Variants in CNTNAP2 observed in about 807,000 individuals in gnomAD.
CNTNAP2 encodes contactin-associated protein-like 2.
Under a neutral mutation model 155.2 loss-of-function variants are expected in CNTNAP2, and 98 were observed. That is an observed-to-expected ratio of 0.63 (90% CI 0.54 to 0.75). The LOEUF (loss-of-function observed/expected upper bound fraction) is 0.75, where lower values mean the gene tolerates loss of function less well. Ranked by LOEUF, CNTNAP2 falls within the 30% of genes least tolerant of loss-of-function variation. The pLI is 0.00. For synonymous variants in CNTNAP2, 651 were observed against 631.2 expected (o/e 1.03, Z -0.47); for missense variants, 1,727 against 1,688.1 (o/e 1.02, Z -0.40).
At chr7:148,129,048 C>G (rs575934205) in intron 16 of CNTNAP2, among the ~76,000 whole-genome samples, 93 of 152,250 alleles carry the variant, frequency 6.1e-4, no homozygotes, top group African/African-American at 2.2e-3. Flanking sequence ...GGCCCACATC[C>G]TGGATTCCAA....
chr7:147,718,369 C>T (rs1306930949), intron 13 of CNTNAP2, among the ~76,000 whole-genome samples: 2 of 152,078 alleles, frequency 1.3e-5, no homozygotes, highest in African/African-American at 4.8e-5. Context: ...GGGAAATGAT[C>T]AGTTTCTTAA....
chr7:147,172,385 G>A (rs933923634), intron 8 of CNTNAP2, among the ~76,000 whole-genome samples: 18 of 151,926 alleles, frequency 1.2e-4, no homozygotes, highest in Admixed American at 2.0e-4. Flanking sequence ...GATAATTATG[G>A]AATAATGCAT....
chr7:148,236,220 G>A (rs982856186), intron 20 of CNTNAP2, among the ~76,000 whole-genome samples: 10 of 152,120 alleles, frequency 6.6e-5, no homozygotes, highest in African/African-American at 1.2e-4. Context: ...GCCTCCAGGC[G>A]CCCATGCCTC....
chr7:147,196,998 A>C (rs1802815412), intron 8 of CNTNAP2, among the ~76,000 whole-genome samples: 1 of 152,168 alleles, frequency 6.6e-6, no homozygotes, highest in African/African-American at 2.4e-5. Context: ...CTAAATCAAA[A>C]GGAAAACCCC....
chr7:147,296,226 T>A (rs927918009), intron 8 of CNTNAP2, among the ~76,000 whole-genome samples: 1 of 152,198 alleles, frequency 6.6e-6, no homozygotes, highest in African/African-American at 2.4e-5. Flanking sequence ...ATAGCAGGGT[T>A]TGTCAAATTA....
intron 15 of CNTNAP2, among the ~76,000 whole-genome samples, chr7:147,997,426 A>G (rs776417560): frequency 6.6e-6 from 1 of 151,924 alleles, no homozygotes; most frequent in Admixed American, 6.6e-5. Flanking sequence ...GCGTGGTGGC[A>G]CATGCCTGTA....
chr7:146,289,214 C>G (rs944004697), intron 1 of CNTNAP2, among the ~76,000 whole-genome samples: 3 of 152,098 alleles, frequency 2.0e-5, no homozygotes, highest in Admixed American at 2.0e-4. Flanking sequence ...TGCATAGTTT[C>G]TCTCCTCTCC....
Position 147,936,572 on chromosome 7 carries a change from T to A in CNTNAP2, c.2255+32851T>A, listed in dbSNP as rs117395045. On this transcript the variant is annotated intron_variant, in intron 14 of 23. Transcript: ENST00000361727. ...TGGAGTTGGTTTTGCTTCATTCAACTATGAAATGACTACATGTATTCATTT... is the reference window on the plus strand; with the variant it reads ...TGGAGTTGGTTTTGCTTCATTCAACAATGAAATGACTACATGTATTCATTT... Among the ~76,000 whole-genome samples, 243 of 152,344 alleles carry A rather than the reference T, an allele frequency of 1.6e-3. 7 individuals are homozygous for A. The East Asian group carries it at 0.028, about 18-fold the overall frequency.
At chr7:146,830,038 T>C (rs1271131889) in intron 2 of CNTNAP2, among the ~76,000 whole-genome samples, 1 of 152,218 alleles carries the variant, frequency 6.6e-6, no homozygotes, top group East Asian at 1.9e-4. Context: ...ATTTTTGTTA[T>C]AGGTTTAGAA....
chr7:147,185,722 G>C (rs78639999), intron 8 of CNTNAP2, among the ~76,000 whole-genome samples: 2,654 of 152,262 alleles, frequency 0.017, 63 homozygotes, highest in African/African-American at 0.06. Context: ...CAATGATGTG[G>C]TTTAGGTGTG....
intron 15 of CNTNAP2, among the ~76,000 whole-genome samples, chr7:148,044,898 G>GC (rs1305453427): frequency 9.2e-5 from 14 of 151,866 alleles, no homozygotes; most frequent in Admixed American, 8.5e-4. Flanking sequence ...TTACTATGTT[G>GC]CCCAGACTGG....
chr7:147,018,311 G>A (rs1798760972), intron 3 of CNTNAP2, among the ~76,000 whole-genome samples: 1 of 152,054 alleles, frequency 6.6e-6, no homozygotes. Context: ...GAAACATAGT[G>A]AAGAAGAATA....
Position 147,108,209 on chromosome 7 carries a change from A to T in CNTNAP2, c.613A>T (p.Met205Leu). ...VLPYRFRNKK[M>L]KTLKDVIALN... ...ACCATATAGATTCAGAAACAAGAAG[A>T]TGAAAACACTGAAAGATGTCATTGC... The change falls in exon 5 of 24, where the codon ATG becomes TTG. Residue 205 changes from methionine (M) to leucine (L), a missense_variant. Met to Leu is a conservative substitution (Grantham distance 15, BLOSUM62 2). Coordinates refer to ENST00000361727, the MANE Select transcript of CNTNAP2 (RefSeq NM_014141.6). 2 of 1,613,766 alleles carry T rather than the reference A, an allele frequency of 1.2e-6. No homozygotes were observed. The highest frequency in any genetic ancestry group is 2.2e-5 in the South Asian group (2 of 91,078).
At chr7:148,118,499 T>C (rs577526490) in intron 16 of CNTNAP2, among the ~76,000 whole-genome samples, 1 of 152,270 alleles carries the variant, frequency 6.6e-6, no homozygotes, top group East Asian at 1.9e-4. Flanking sequence ...CACATCCAGA[T>C]TCTCAAGCAA....
rs192805435 is a variant in CNTNAP2 at position 146,823,914 on chromosome 7, A to G, written c.209-15797A>G. Among the ~76,000 whole-genome samples the G allele has an allele frequency of 1.9e-3, 284 of 152,212 alleles. 1 individual carries two copies. The highest frequency in any genetic ancestry group is 6.3e-3 in the African/African-American group (262 of 41,554). ...ACCTTAAGTTCTGGGATACATGTGC[A>G]GAACATGCAGGTTTATTACATAGGT... On this transcript the variant is annotated intron_variant, in intron 2 of 23. Coordinates refer to ENST00000361727, the MANE Select transcript of CNTNAP2 (RefSeq NM_014141.6).
intron 9 of CNTNAP2, among the ~76,000 whole-genome samples, chr7:147,378,718 A>C (rs77671914): frequency 6.6e-6 from 1 of 152,140 alleles, no homozygotes; most frequent in African/African-American, 2.4e-5. Flanking sequence ...AAAGCCAACA[A>C]TATTTTATTT....
intron 15 of CNTNAP2, among the ~76,000 whole-genome samples, chr7:148,116,188 A>G (rs995203638): frequency 2.6e-5 from 4 of 152,074 alleles, no homozygotes; most frequent in Admixed American, 2.0e-4. Flanking sequence ...TTAGGAACAC[A>G]TTAAGAACAG....
At chr7:147,615,598 T>C (rs950621091) in intron 12 of CNTNAP2, among the ~76,000 whole-genome samples, 2 of 152,188 alleles carry the variant, frequency 1.3e-5, no homozygotes, top group African/African-American at 4.8e-5. Flanking sequence ...AATCCATCTT[T>C]ATTGGATCAT....
chr7:146,463,522 C>G (rs548705484), intron 1 of CNTNAP2, among the ~76,000 whole-genome samples: 1 of 151,990 alleles, frequency 6.6e-6, no homozygotes, highest in Non-Finnish European at 1.5e-5. Context: ...GACAAAGCAA[C>G]TAGATATCAC....
Sources: allele counts gnomAD v4.1 joint callset (sites outside exome capture counted in the v4.1 genomes callset), GRCh38; gene constraint gnomAD v4.1.1; transcripts MANE v1.5; gene names NCBI Gene and HGNC (gene_info 2026-07-23, HGNC 2026-07-21).